HNF1B: variants seen among roughly 807,000 people sequenced by gnomAD.
The protein encoded by HNF1B is HNF1 homeobox B.
A neutral mutation model predicts 61.7 loss-of-function variants in HNF1B; 8 were observed. That is an observed-to-expected ratio of 0.13 (90% CI 0.08 to 0.23). The LOEUF (loss-of-function observed/expected upper bound fraction) is 0.23. Among genes scored for constraint, HNF1B ranks in the 10% least tolerant of loss-of-function variants. The pLI, the probability that HNF1B is intolerant of heterozygous loss-of-function variation, is 1.00. For missense variants in HNF1B, 562 were observed against 714.5 expected (o/e 0.79, Z 2.43); for synonymous variants, 314 against 287.7 (o/e 1.09, Z -0.93).
intron 4 of HNF1B, chr17:37,731,115 C>T (rs956694479): frequency 5.9e-5 from 12 of 204,334 alleles, no homozygotes; most frequent in Admixed American, 1.0e-4. Context: ...ACAGAGTGGC[C>T]GTCCCCAAAG....
intron 8 of HNF1B, among the ~76,000 whole-genome samples, chr17:37,690,030 C>T (rs1325687850): frequency 6.6e-6 from 1 of 151,098 alleles, no homozygotes; most frequent in Non-Finnish European, 1.5e-5. Flanking sequence ...CACACACACA[C>T]ACACACACAC....
chr17:37,712,379 G>A (rs1390527568), intron 4 of HNF1B, among the ~76,000 whole-genome samples: 1 of 151,840 alleles, frequency 6.6e-6, no homozygotes. Flanking sequence ...CTGTCCTCCT[G>A]TGCACCTATC....
At chr17:37,724,031 C>T (rs1441211249) in intron 4 of HNF1B, among the ~76,000 whole-genome samples, 1 of 152,144 alleles carries the variant, frequency 6.6e-6, no homozygotes, top group African/African-American at 2.4e-5. Context: ...AAGAGCATTT[C>T]CCCATATTAG....
rs531368111 is a variant in HNF1B, at chr17:37,701,282, G to A, written c.1340-105C>T. The A allele has an allele frequency of 8.7e-5, 96 of 1,100,702 alleles. 1 individual carries two copies. In the South Asian group the frequency reaches 1.2e-3, roughly 14 times the overall value. The allele number at this position is 1,100,702 out of a possible 1,614,324, so 68.2% of individuals were successfully genotyped here. ...CTCAATGTCCCAGTCACCGGGCTGA[G>A]CCTGTTACATAGGAGATTCCATGGG... On this transcript the variant is annotated intron_variant, in intron 6 of 8. Coordinates refer to ENST00000617811, the MANE Select transcript of HNF1B (RefSeq NM_000458.4).
chr17:37,732,200 G>A (rs1272776426), intron 3 of HNF1B, among the ~76,000 whole-genome samples: 1 of 152,152 alleles, frequency 6.6e-6, no homozygotes, highest in Non-Finnish European at 1.5e-5. Flanking sequence ...AAAGCCCTTC[G>A]CTGGCTCTGT....
intron 4 of HNF1B, among the ~76,000 whole-genome samples, chr17:37,715,759 A>G (rs2033086835): frequency 6.6e-6 from 1 of 152,172 alleles, no homozygotes; most frequent in African/African-American, 2.4e-5. Context: ...CATATTTACT[A>G]TTGTATAGCA....
chr17:37,743,429 G>C (rs1176503393), intron 1 of HNF1B, among the ~76,000 whole-genome samples: 1 of 152,198 alleles, frequency 6.6e-6, no homozygotes, highest in Non-Finnish European at 1.5e-5. Context: ...AGTGTGTTTG[G>C]GGAAAAAAAA....
At chr17:37,714,745 C>A (rs938953500) in intron 4 of HNF1B, among the ~76,000 whole-genome samples, 2 of 152,172 alleles carry the variant, frequency 1.3e-5, no homozygotes, top group Non-Finnish European at 2.9e-5. Flanking sequence ...TCAGAAGTGC[C>A]AAAGGCATGG....
intron 2 of HNF1B, among the ~76,000 whole-genome samples, chr17:37,737,671 C>A (rs1438690088): frequency 3.3e-4 from 47 of 142,858 alleles, no homozygotes; most frequent in African/African-American, 1.0e-3. Flanking sequence ...CTAAAAATAC[C>A]AAAAAAAAAA....
chr17:37,723,909 G>A (rs935265903), intron 4 of HNF1B, among the ~76,000 whole-genome samples: 17 of 152,182 alleles, frequency 1.1e-4, no homozygotes, highest in African/African-American at 3.9e-4. Flanking sequence ...GGCAAGCACA[G>A]AGATTCCAGA....
At chr17:37,710,882 T>C (rs2032913354) in intron 4 of HNF1B, among the ~76,000 whole-genome samples, 1 of 152,234 alleles carries the variant, frequency 6.6e-6, no homozygotes, top group African/African-American at 2.4e-5. Flanking sequence ...GCAGGAAATT[T>C]TTATCTCGTT....
intron 8 of HNF1B, among the ~76,000 whole-genome samples, chr17:37,696,781 AT>A (rs1471651721): frequency 3.3e-5 from 5 of 152,262 alleles, no homozygotes; most frequent in Non-Finnish European, 7.3e-5. Flanking sequence ...CAGAATTGCC[AT>A]CAGGTCTCTT....
At chr17:37,687,461 T>G (rs1000185843) in intron 8 of HNF1B, 69 bp from the exon 9 acceptor site, 13 of 1,230,344 alleles carry the variant, frequency 1.1e-5, no homozygotes, top group Non-Finnish European at 1.6e-5. Flanking sequence ...TTAGTTTGGC[T>G]TCTCTAAGGG....
chr17:37,732,906 C>T (rs959519897), intron 3 of HNF1B, among the ~76,000 whole-genome samples: 4 of 151,306 alleles, frequency 2.6e-5, no homozygotes, highest in Non-Finnish European at 4.4e-5. Context: ...GTCTCAAACT[C>T]CTGGGCTCAA....
intron 8 of HNF1B, among the ~76,000 whole-genome samples, chr17:37,692,859 T>TTTGACTGCATGTAGACCAAGCACTGAA (rs2032251506): frequency 3.9e-5 from 6 of 152,108 alleles, no homozygotes; most frequent in South Asian, 2.1e-4. Flanking sequence ...CCCAGCCTCC[T>TTTGACTGCATGTAGACCAAGCACTGAA]TTGACTGCAT....
At chr17:37,696,735 G>C (rs1395683777) in intron 8 of HNF1B, among the ~76,000 whole-genome samples, 1 of 152,222 alleles carries the variant, frequency 6.6e-6, no homozygotes, top group Admixed American at 6.5e-5. Context: ...TGAAATTCCT[G>C]TTGGAATATA....
rs7225211 is a variant in HNF1B at position 37,710,942 on chromosome 17, C to T, written c.1046-279G>A. 0.026 allele frequency among the ~76,000 whole-genome samples: 3,961 copies of T among 152,272 alleles called. 188 individuals carry two copies. The highest frequency in any genetic ancestry group is 0.091 in the African/African-American group (3,770 of 41,534). On this transcript the variant is annotated intron_variant, in intron 4 of 8. Coordinates refer to ENST00000617811, the MANE Select transcript of HNF1B (RefSeq NM_000458.4). ...AGTGCCTTGGCACTGAATAGCCACT[C>T]GGTAAACTTCTGATGAATAAATGAA...
intron 8 of HNF1B, among the ~76,000 whole-genome samples, chr17:37,693,917 C>T (rs989345400): frequency 4.6e-5 from 7 of 152,208 alleles, no homozygotes; most frequent in Admixed American, 3.9e-4. Flanking sequence ...CTCTTTATCT[C>T]ACCATATGAC....
intron 2 of HNF1B, among the ~76,000 whole-genome samples, chr17:37,738,280 T>C (rs778001201): frequency 6.6e-6 from 1 of 152,222 alleles, no homozygotes; most frequent in Non-Finnish European, 1.5e-5. Context: ...AATCTATTCA[T>C]GTAATGCTCC....
Sources: allele counts gnomAD v4.1 joint callset (sites outside exome capture counted in the v4.1 genomes callset), GRCh38; gene constraint gnomAD v4.1.1; transcripts MANE v1.5; gene names NCBI Gene and HGNC (gene_info 2026-07-23, HGNC 2026-07-21).